Variants in NARS1 observed in about 807,000 individuals in gnomAD.
The protein encoded by NARS1 is asparaginyl-tRNA synthetase 1.
In NARS1, 65 loss-of-function variants were observed where a neutral mutation model predicts 79.2. The ratio of observed to expected loss-of-function variants is 0.82; its 90% CI spans 0.67 to 1.01. The LOEUF (loss-of-function observed/expected upper bound fraction) is 1.01, where lower values mean the gene tolerates loss of function less well. NARS1 is among the 50% of genes least tolerant of loss of function. NARS1 has a pLI of 0.00. For synonymous variants in NARS1, 229 were observed against 238.8 expected, an observed-to-expected ratio of 0.96 and a Z score of 0.38; for missense variants, 649 against 673.8, an observed-to-expected ratio of 0.96 and a Z score of 0.41.
At chr18:57,621,630 G>A in intron 1 of NARS1, 78 bp downstream of exon 1, 1 of 1,373,526 alleles carries the variant, frequency 7.3e-7, no homozygotes, top group Non-Finnish European at 1.0e-6. Context: ...AGGCACTAAG[G>A]AAAGCGCCGA....
In NARS1 at chr18:57,602,606, A is replaced by G. The variant is rs2051518316; in HGVS notation, c.1384-120T>C. ...AAGGGCTAAAGGAGCCACTATGATC[A>G]TGTAATATTCAAATGTTTACATTTC... On this transcript the variant is annotated intron_variant, in intron 12 of 13. Transcript: ENST00000256854. 4 of 1,277,966 alleles carry G rather than the reference A, an allele frequency of 3.1e-6. No homozygotes were observed. The Admixed American group carries it at 9.6e-5, about 31-fold the overall frequency. 79.2% of individuals were successfully genotyped at this position (1,277,966 alleles called of 1,614,324 possible). A position where few individuals can be genotyped will look rare whatever the true frequency, so the allele number is the denominator to read the frequency against.
chr18:57,604,274 G>A (rs964950260), intron 11 of NARS1, among the ~76,000 whole-genome samples: 4 of 152,110 alleles, frequency 2.6e-5, no homozygotes, highest in African/African-American at 9.7e-5. Flanking sequence ...TTCATAGGCT[G>A]GGCACAGTGT....
intron 1 of NARS1, 59 bp from the exon 2 acceptor site, chr18:57,620,710 A>G (rs1477839121): frequency 7.1e-6 from 7 of 982,922 alleles, no homozygotes; most frequent in Non-Finnish European, 9.6e-6. Context: ...TCACCTTACT[A>G]CTTTATTCAT....
rs995249807 is a variant in NARS1, at chr18:57,601,360, G to C, written c.*292C>G. On this transcript the variant is annotated 3_prime_UTR_variant, in exon 14 of 14. Coordinates refer to ENST00000256854, the MANE Select transcript of NARS1 (RefSeq NM_004539.4). ...ATAACTTGAATAAAATGAATAACTT[G>C]GATAAAGTGAGTAAAATGCTGAAAT... The C allele has an allele frequency of 8.4e-6, 2 of 237,830 alleles. No homozygotes were observed. The highest frequency in any genetic ancestry group is 5.0e-5 in the Admixed American group (1 of 19,962). The allele number at this position is 237,830 out of a possible 1,614,324, so 14.7% of individuals were successfully genotyped here. A position where few individuals can be genotyped will look rare whatever the true frequency, so the allele number is the denominator to read the frequency against.
At chr18:57,603,366 T>C (rs2051526384) in intron 11 of NARS1, among the ~76,000 whole-genome samples, 1 of 126,924 alleles carries the variant, frequency 7.9e-6, no homozygotes, top group South Asian at 2.5e-4. Flanking sequence ...CAGAACATCA[T>C]TGATCTACAC....
chr18:57,602,826 G>A lies in NARS1; in HGVS notation c.1369C>T (p.Arg457Cys), dbSNP rs1395769133. The change falls in exon 12 of 14, where the codon CGT (arginine) becomes TGT (cysteine). Residue 457 changes from arginine to cysteine, a missense_variant. Arg to Cys is a radical substitution (Grantham distance 180). Coordinates refer to ENST00000256854, the MANE Select transcript of NARS1 (RefSeq NM_004539.4). ...CAGAAACTGACAGATTCAGTAAGAC[G>A]GGAATCCTCAGGACATCGCTGCATG... is the stretch of plus-strand genomic sequence containing the variant. ...FYMQRCPEDS[R>C]LTESVDVLMP... is the part of the protein sequence containing the mutation. 5.6e-6 allele frequency: 9 copies of A among 1,613,798 alleles called. No individual in the cohort carries two copies. The highest frequency in any genetic ancestry group is 2.7e-5 in the African/African-American group (2 of 74,892).
chr18:57,619,115 G>C (rs1349317627), intron 2 of NARS1, among the ~76,000 whole-genome samples: 1 of 152,008 alleles, frequency 6.6e-6, no homozygotes, highest in Admixed American at 6.6e-5. Flanking sequence ...TTCAAAGAAG[G>C]AACTTTTTTG....
At position 57,621,777 on chromosome 18, in the gene NARS1, G is replaced by C. The variant is rs986633331; in HGVS notation, c.-60C>G. 1 of 1,612,758 alleles carries C rather than the reference G, an allele frequency of 6.2e-7. No individual in the cohort carries two copies. The highest frequency in any genetic ancestry group is 1.3e-5 in the African/African-American group (1 of 74,982). On this transcript the variant is annotated 5_prime_UTR_variant, in exon 1 of 14. It introduces an in-frame stop codon into an upstream open reading frame of the 5' UTR. Transcript: ENST00000256854. ...GACTGCAACACCGACGCCGTCTTAT[G>C]ACTCCAACGTGCACCGGCGGTTTCC... is the stretch of plus-strand genomic sequence containing the variant.
chr18:57,621,626 TAAGGA>T, intron 1 of NARS1, 77 bp downstream of exon 1: 4 of 1,125,180 alleles, frequency 3.6e-6, no homozygotes, highest in Non-Finnish European at 5.0e-6. Flanking sequence ...TGGTAGGCAC[TAAGGA>T]AAGCGCCGAA....
At chr18:57,612,759 T>G (rs1285058793) in intron 5 of NARS1, among the ~76,000 whole-genome samples, 1 of 152,150 alleles carries the variant, frequency 6.6e-6, no homozygotes, top group African/African-American at 2.4e-5. Flanking sequence ...AATGAAAGAT[T>G]TGCTAATCCC....
rs2051623035 is a variant in NARS1 at position 57,613,546 on chromosome 18, CA to C, written c.421+55del. 1.6e-5 allele frequency: 22 copies of C among 1,417,304 alleles called. No homozygotes were observed. In the South Asian group the frequency reaches 2.5e-4, roughly 16 times the overall value. The allele number at this position is 1,417,304 out of a possible 1,614,324, so 87.8% of individuals were successfully genotyped here. A position where few individuals can be genotyped will look rare whatever the true frequency, so the allele number is the denominator to read the frequency against. On this transcript the variant is annotated intron_variant, in intron 5 of 13. Transcript: ENST00000256854. ...CTGCAAATCTTTGTATGTTTTTCTTCATCTAAGAGCAGGGATATTTAAACAT... is the reference window on the plus strand; with the variant it reads ...CTGCAAATCTTTGTATGTTTTTCTTCTCTAAGAGCAGGGATATTTAAACAT...
Position 57,615,717 on chromosome 18 carries a change from A to G in NARS1, c.266T>C (p.Leu89Ser), listed in dbSNP as rs773700510. The G allele has an allele frequency of 5.0e-6, 8 of 1,612,692 alleles. No individual in the cohort carries two copies. In the South Asian group the frequency reaches 6.6e-5, roughly 13 times the overall value. ...SREKKEAEDS[L>S]RREKNLEEAK... ...TTCTTCCAGGTTCTTTTCTCTTCGT[A>G]AACTATCTTCTGCCTAATTTTAATG... is the stretch of plus-strand genomic sequence containing the variant. The change falls in exon 4 of 14, where the codon TTA (leucine) becomes TCA (serine). Residue 89 changes from leucine (L) to serine (S), a missense_variant. Physicochemically the swap from Leu to Ser is moderately radical, Grantham distance 145 (BLOSUM62 -2). Transcript: ENST00000256854.
At chr18:57,603,891 TA>T (rs1269782132) in intron 11 of NARS1, among the ~76,000 whole-genome samples, 2 of 139,766 alleles carry the variant, frequency 1.4e-5, no homozygotes, top group African/African-American at 5.2e-5. Context: ...TCTTATTTCA[TA>T]CCCCCCAAAG....
intron 6 of NARS1, among the ~76,000 whole-genome samples, chr18:57,610,965 CTTTTT>C (rs773482503): frequency 1.6e-5 from 2 of 126,196 alleles, no homozygotes; most frequent in Non-Finnish European, 1.7e-5. Flanking sequence ...TGACTATTAT[CTTTTT>C]TTTTTTTTTT....
intron 4 of NARS1, among the ~76,000 whole-genome samples, chr18:57,614,872 T>C (rs993976448): frequency 6.6e-6 from 1 of 152,124 alleles, no homozygotes. Flanking sequence ...TATTTCTCTA[T>C]GTCCCTTCTG....
At chr18:57,611,574 A>G in intron 6 of NARS1, 63 bp downstream of exon 6, 1 of 1,126,338 alleles carries the variant, frequency 8.9e-7, no homozygotes, top group Non-Finnish European at 1.3e-6. Flanking sequence ...AATGTATACA[A>G]AACAATAAAG....
intron 12 of NARS1, 81 bp from the exon 13 acceptor site, chr18:57,602,567 T>C (rs1247648166): frequency 3.3e-6 from 5 of 1,501,360 alleles, no homozygotes; most frequent in Non-Finnish European, 1.8e-6. Context: ...AAATGAAAAT[T>C]ACAATTAAGC....
chr18:57,606,352 AAATAT>A (rs1568163277), intron 10 of NARS1, among the ~76,000 whole-genome samples: 1 of 35,282 alleles, frequency 2.8e-5, no homozygotes, highest in Non-Finnish European at 6.1e-5. Context: ...CTCAAAAAAA[AAATAT>A]ATATATATAT....
chr18:57,601,853 AATTTTCC>A, intron 13 of NARS1, 70 bp from the exon 14 acceptor site: 1 of 1,538,502 alleles, frequency 6.5e-7, no homozygotes, highest in East Asian at 2.3e-5. Context: ...AGACAGTTAA[AATTTTCC>A]ACCATGAAAG....
Sources: allele counts gnomAD v4.1 joint callset (sites outside exome capture counted in the v4.1 genomes callset), GRCh38; gene constraint gnomAD v4.1.1; transcripts MANE v1.5; gene names NCBI Gene and HGNC (gene_info 2026-07-23, HGNC 2026-07-21).